UBE4A: variants seen among roughly 807,000 people sequenced by gnomAD.
UBE4A encodes the protein ubiquitin conjugation factor E4 A.
In UBE4A, 48 loss-of-function variants were observed where a neutral mutation model predicts 117.9. The ratio of observed to expected loss-of-function variants is 0.41; its 90% CI spans 0.32 to 0.52. The LOEUF is 0.52. Ranked by LOEUF, UBE4A falls within the 20% of genes least tolerant of loss-of-function variation. UBE4A has a pLI of 0.33. For missense variants in UBE4A, 1,067 were observed against 1,296.3 expected (o/e 0.82, Z 2.72); for synonymous variants, 407 against 450.0 (o/e 0.90, Z 1.21).
At chr11:118,377,433 T>C (rs1414517832) in intron 10 of UBE4A, among the ~76,000 whole-genome samples, 1 of 151,958 alleles carries the variant, frequency 6.6e-6, no homozygotes, top group African/African-American at 2.4e-5. Flanking sequence ...GGTCTCGAAC[T>C]CCTGACCTCA....
chr11:118,375,637 G>A (rs1026042390), intron 9 of UBE4A, among the ~76,000 whole-genome samples: 1 of 152,022 alleles, frequency 6.6e-6, no homozygotes, highest in African/African-American at 2.4e-5. Flanking sequence ...GGGATTACAG[G>A]CGTGAGCCAC....
intron 13 of UBE4A, among the ~76,000 whole-genome samples, chr11:118,384,071 C>T (rs76068548): frequency 0.012 from 1,778 of 152,238 alleles, 34 homozygotes; most frequent in African/African-American, 0.041. Context: ...AGAATGAAAA[C>T]GTAGGTCTTT....
intron 18 of UBE4A, 119 bp downstream of exon 18, chr11:118,390,923 G>A: frequency 7.5e-7 from 1 of 1,339,014 alleles, no homozygotes. Context: ...GATCACTTAA[G>A]CCCAGGAGTT....
chr11:118,371,792 A>G (rs1948612299), intron 5 of UBE4A, 126 bp downstream of exon 5: 2 of 1,014,714 alleles, frequency 2.0e-6, no homozygotes, highest in Non-Finnish European at 2.7e-6. Flanking sequence ...AGTGAATATC[A>G]GGGACACTAA....
chr11:118,374,201 T>C (rs1056103123), intron 8 of UBE4A, among the ~76,000 whole-genome samples: 22 of 152,320 alleles, frequency 1.4e-4, no homozygotes, highest in African/African-American at 4.6e-4. Context: ...TACCCTTTGC[T>C]GTAGCACTGC....
chr11:118,389,258 A>G (rs567321920), intron 16 of UBE4A, among the ~76,000 whole-genome samples: 1 of 152,184 alleles, frequency 6.6e-6, no homozygotes, highest in Non-Finnish European at 1.5e-5. Flanking sequence ...TGAGGAATGG[A>G]TTTTTTATTT....
chr11:118,390,505 T>G (rs1415442634), intron 17 of UBE4A, 152 bp from the exon 18 acceptor site: 1 of 120,066 alleles, frequency 8.3e-6, no homozygotes, highest in African/African-American at 3.5e-5. Flanking sequence ...ATTTATATAT[T>G]ATAAATAATA....
At chr11:118,396,053 T>C (rs577572485) in intron 19 of UBE4A, among the ~76,000 whole-genome samples, 1 of 146,512 alleles carries the variant, frequency 6.8e-6, no homozygotes, top group African/African-American at 2.6e-5. Flanking sequence ...CCATCCTGGG[T>C]GCCACTGCAC....
At chr11:118,392,083 G>A (rs1555128632) in intron 18 of UBE4A, among the ~76,000 whole-genome samples, 1 of 152,146 alleles carries the variant, frequency 6.6e-6, no homozygotes, top group African/African-American at 2.4e-5. Flanking sequence ...AATCCCTTTG[G>A]TTAGAGTATG....
intron 16 of UBE4A, among the ~76,000 whole-genome samples, chr11:118,387,728 A>G (rs1016673090): frequency 2.0e-5 from 3 of 152,234 alleles, no homozygotes; most frequent in Non-Finnish European, 4.4e-5. Context: ...TAATGTTACC[A>G]TAGTTTAAGT....
In UBE4A at chr11:118,398,604, G is replaced by A. The variant is rs1948896844; in HGVS notation, c.*2164G>A. 1 of 152,476 alleles carries A rather than the reference G, an allele frequency of 6.6e-6. No individual in the cohort carries two copies. The highest frequency in any genetic ancestry group is 1.5e-5 in the Non-Finnish European group (1 of 68,192). 9.4% of individuals were successfully genotyped at this position (152,476 alleles called of 1,614,324 possible). A position where few individuals can be genotyped will look rare whatever the true frequency, so the allele number is the denominator to read the frequency against. On this transcript the variant is annotated 3_prime_UTR_variant, in exon 20 of 20. Coordinates refer to ENST00000252108, the MANE Select transcript of UBE4A (RefSeq NM_001204077.2). ...GAAGCTTAAAAAGGTGTTTTGTCTG[G>A]AACTTAGAAGCAGCTCTAAATCTAG...
chr11:118,374,282 G>A (rs1282141064), intron 8 of UBE4A, among the ~76,000 whole-genome samples: 3 of 152,114 alleles, frequency 2.0e-5, no homozygotes, highest in African/African-American at 7.2e-5. Flanking sequence ...TCTTTTGACT[G>A]AACTCTAGCT....
intron 8 of UBE4A, among the ~76,000 whole-genome samples, chr11:118,373,897 A>G (rs1048065504): frequency 1.3e-5 from 2 of 152,086 alleles, no homozygotes; most frequent in Non-Finnish European, 2.9e-5. Flanking sequence ...GCTTGAGCCC[A>G]GGAGTTCAAT....
At chr11:118,368,872 G>A in intron 3 of UBE4A, 68 bp downstream of exon 3, 4 of 1,529,146 alleles carry the variant, frequency 2.6e-6, no homozygotes, top group Non-Finnish European at 3.6e-6. Flanking sequence ...CTTGCTCTTT[G>A]AAACTGGTTA....
At chr11:118,370,111 T>C (rs1948597517) in intron 4 of UBE4A, among the ~76,000 whole-genome samples, 1 of 150,848 alleles carries the variant, frequency 6.6e-6, no homozygotes, top group East Asian at 2.0e-4. Flanking sequence ...AAAGAAAAAA[T>C]TACAAAGCCT....
At chr11:118,375,749 T>G (rs556580071) in intron 9 of UBE4A, among the ~76,000 whole-genome samples, 1 of 152,130 alleles carries the variant, frequency 6.6e-6, no homozygotes, top group Non-Finnish European at 1.5e-5. Flanking sequence ...CTCTCTGGAT[T>G]TGGCAGCCTT....
intron 19 of UBE4A, among the ~76,000 whole-genome samples, chr11:118,393,378 C>T (rs907200578): frequency 1.3e-5 from 2 of 152,188 alleles, no homozygotes; most frequent in Non-Finnish European, 2.9e-5. Context: ...GATCGCACCA[C>T]TGCACTCCAG....
chr11:118,390,814 A>AGG lies in UBE4A; in HGVS notation c.2916+11_2916+12dup. 2 of 1,609,498 alleles carry AGG rather than the reference A, an allele frequency of 1.2e-6. No individual in the cohort carries two copies. The highest frequency in any genetic ancestry group is 1.7e-6 in the Non-Finnish European group (2 of 1,177,144). On this transcript the variant is annotated intron_variant, in intron 18 of 19. Transcript: ENST00000252108. ...GGCAGAGAGAATCAAGGTGAGGAAG[A>AGG]GGAGGAATTGTTTGCTGATTTCATT...
At chr11:118,383,954 C>T (rs1376591244) in intron 13 of UBE4A, among the ~76,000 whole-genome samples, 2 of 151,944 alleles carry the variant, frequency 1.3e-5, no homozygotes, top group African/African-American at 2.4e-5. Context: ...GCAGTTATCT[C>T]GTTATGTGAC....
Sources: gnomAD v4.1 joint callset for allele counts (sites outside exome capture counted in the v4.1 genomes callset) on GRCh38, gnomAD v4.1.1 for gene constraint, MANE v1.5 for transcripts, NCBI Gene and HGNC (gene_info 2026-07-23, HGNC 2026-07-21) for gene names.